TLE1: variants seen among roughly 807,000 people sequenced by gnomAD.
The protein encoded by TLE1 is transducin-like enhancer protein 1.
In TLE1, 21 loss-of-function variants were observed where a neutral mutation model predicts 89.8. The ratio of observed to expected loss-of-function variants is 0.23; its 90% CI spans 0.17 to 0.34. The LOEUF is 0.34. Among genes scored for constraint, TLE1 ranks in the 10% least tolerant of loss-of-function variants. The pLI, the probability that TLE1 is intolerant of heterozygous loss-of-function variation, is 1.00. For missense variants in TLE1, 795 were observed against 1,031.2 expected (o/e 0.77, Z 3.14); for synonymous variants, 447 against 407.6 (o/e 1.10, Z -1.16).
At chr9:81,631,266 C>T (rs1202830143) in intron 8 of TLE1, among the ~76,000 whole-genome samples, 1 of 152,226 alleles carries the variant, frequency 6.6e-6, no homozygotes, top group African/African-American at 2.4e-5. Context: ...GAATTAAGTA[C>T]TTGCATATAT....
intron 11 of TLE1, among the ~76,000 whole-genome samples, chr9:81,614,282 T>C (rs1824123360): frequency 1.3e-5 from 2 of 152,142 alleles, no homozygotes; most frequent in Admixed American, 6.5e-5. Flanking sequence ...GTGGGGCCAG[T>C]ATCTCAGAGA....
chr9:81,607,066 A>AG (rs1831782532), intron 14 of TLE1, among the ~76,000 whole-genome samples: 1 of 151,554 alleles, frequency 6.6e-6, no homozygotes, highest in Admixed American at 6.6e-5. Context: ...TCTCTAAAAA[A>AG]AAAAAAAAAT....
chr9:81,627,743 A>C (rs1388711560), intron 8 of TLE1, among the ~76,000 whole-genome samples: 2 of 152,144 alleles, frequency 1.3e-5, no homozygotes, highest in African/African-American at 4.8e-5. Context: ...TTTAGGCAAA[A>C]ACAGTACCTC....
chr9:81,633,515 A>C, intron 7 of TLE1, 151 bp from the exon 8 acceptor site: 1 of 956,914 alleles, frequency 1.0e-6, no homozygotes, highest in Non-Finnish European at 1.6e-6. Flanking sequence ...GCACATTCCT[A>C]ATACAGTGAT....
intron 6 of TLE1, among the ~76,000 whole-genome samples, chr9:81,635,590 C>G (rs1333818761): frequency 6.6e-6 from 1 of 152,168 alleles, no homozygotes; most frequent in Non-Finnish European, 1.5e-5. Context: ...GGCTCAATTT[C>G]TAAGGTGCAA....
rs532784335 is a variant in TLE1, at chr9:81,680,968, CAA to C, written c.234+4706_234+4707del. On this transcript the variant is annotated intron_variant, in intron 4 of 19. Transcript: ENST00000376499. The stretch of plus-strand genomic sequence containing the variant: ...AAAAAAAACACTAAGGTAAAATTTG[CAA>C]AAGAGTAAAAGAATCACATCTAAGG... Among the ~76,000 whole-genome samples, 142 of 151,114 alleles carry C rather than the reference CAA, an allele frequency of 9.4e-4. 2 individuals carry two copies. The highest frequency in any genetic ancestry group is 3.3e-3 in the African/African-American group (137 of 41,216).
At chr9:81,603,643 T>C (rs1413449859) in intron 14 of TLE1, among the ~76,000 whole-genome samples, 1 of 152,226 alleles carries the variant, frequency 6.6e-6, no homozygotes, top group South Asian at 2.1e-4. Context: ...CCCCACAATT[T>C]ACTGCCTCCA....
At chr9:81,612,155 G>T in intron 12 of TLE1, 196 bp from the exon 13 acceptor site, 1 of 626,026 alleles carries the variant, frequency 1.6e-6, no homozygotes, top group Non-Finnish European at 2.3e-6. Context: ...CTCCAGGAAA[G>T]AAAAGACTCC....
chr9:81,610,326 C>CA lies in TLE1; in HGVS notation c.1255-31dup, dbSNP rs750432123. On this transcript the variant is annotated intron_variant, in intron 13 of 19. Coordinates refer to ENST00000376499, the MANE Select transcript of TLE1 (RefSeq NM_005077.5). ...AAACAAAAATAAGGCATTGCAGACT[C>CA]AGTTTATTGCAGCAGGCACTTTGTG... 10 of 1,550,372 alleles carry CA rather than the reference C, an allele frequency of 6.5e-6. No individual in the cohort carries two copies. In the South Asian group the frequency reaches 9.0e-5, roughly 14 times the overall value.
intron 14 of TLE1, among the ~76,000 whole-genome samples, chr9:81,607,119 T>C (rs1195289749): frequency 6.6e-6 from 1 of 151,672 alleles, no homozygotes; most frequent in African/African-American, 2.4e-5. Context: ...CAAGCAATGA[T>C]TGCCAAAGGC....
chr9:81,687,099 T>C (rs1834384075), intron 2 of TLE1, among the ~76,000 whole-genome samples: 1 of 152,060 alleles, frequency 6.6e-6, no homozygotes, highest in Non-Finnish European at 1.5e-5. Flanking sequence ...GAAAAAGGAC[T>C]CCCTGGAACA....
chr9:81,614,445 G>A (rs1824149561), intron 11 of TLE1, among the ~76,000 whole-genome samples: 1 of 152,178 alleles, frequency 6.6e-6, no homozygotes, highest in South Asian at 2.1e-4. Flanking sequence ...AGACCAGACA[G>A]TAACAGGGTT....
intron 4 of TLE1, among the ~76,000 whole-genome samples, chr9:81,657,053 A>T (rs572658365): frequency 6.6e-6 from 1 of 152,234 alleles, no homozygotes; most frequent in Non-Finnish European, 1.5e-5. Context: ...ATGGATTAAA[A>T]AATGACCTCA....
At chr9:81,631,154 G>GACTTACAA (rs1826548766) in intron 8 of TLE1, among the ~76,000 whole-genome samples, 6 of 152,158 alleles carry the variant, frequency 3.9e-5, no homozygotes, top group Admixed American at 3.3e-4. Flanking sequence ...CTAACTTATA[G>GACTTACAA]ACTTACAAAT....
At chr9:81,681,224 T>A (rs981747002) in intron 4 of TLE1, among the ~76,000 whole-genome samples, 3 of 152,174 alleles carry the variant, frequency 2.0e-5, no homozygotes, top group African/African-American at 7.2e-5. Flanking sequence ...CCTTTCAGAT[T>A]TTCAGAGCTA....
chr9:81,653,759 GA>G (rs1047344848), intron 5 of TLE1, among the ~76,000 whole-genome samples: 1 of 151,982 alleles, frequency 6.6e-6, no homozygotes, highest in Non-Finnish European at 1.5e-5. Context: ...TTTTCCACAG[GA>G]AAAAAAATTA....
intron 8 of TLE1, among the ~76,000 whole-genome samples, chr9:81,627,307 T>C (rs929290112): frequency 8.4e-5 from 12 of 143,118 alleles, no homozygotes; most frequent in African/African-American, 1.6e-4. Context: ...GAGGGAAAAA[T>C]TGTTCTCTCA....
At chr9:81,637,113 T>C (rs1327107242) in intron 6 of TLE1, among the ~76,000 whole-genome samples, 4 of 151,926 alleles carry the variant, frequency 2.6e-5, no homozygotes, top group Non-Finnish European at 5.9e-5. Context: ...ATCCCAGCAC[T>C]TTGGGAGGCT....
intron 6 of TLE1, among the ~76,000 whole-genome samples, chr9:81,636,003 T>A (rs2132392210): frequency 6.6e-6 from 1 of 152,174 alleles, no homozygotes; most frequent in Admixed American, 6.5e-5. Context: ...TATTTAAAAA[T>A]AAATAAATAA....
Sources: allele counts gnomAD v4.1 joint callset (sites outside exome capture counted in the v4.1 genomes callset), GRCh38; gene constraint gnomAD v4.1.1; transcripts MANE v1.5; gene names NCBI Gene and HGNC (gene_info 2026-07-23, HGNC 2026-07-21).